The following OPCML variants were observed in gnomAD, a reference collection of about 807,000 sequenced individuals.
OPCML encodes opioid binding protein/cell adhesion molecule like.
In OPCML, 13 loss-of-function variants were observed where a neutral mutation model predicts 37.8. The ratio of observed to expected loss-of-function variants is 0.34; its 90% CI spans 0.22 to 0.55. OPCML has a LOEUF of 0.55. OPCML is among the 20% of genes least tolerant of loss of function. The pLI is 0.91. For missense variants in OPCML, 341 were observed against 435.6 expected (o/e 0.78, Z 1.93); for synonymous variants, 176 against 168.8 (o/e 1.04, Z -0.33).
At chr11:132,693,615 T>G (rs1413271205) in intron 2 of OPCML, among the ~76,000 whole-genome samples, 1 of 152,216 alleles carries the variant, frequency 6.6e-6, no homozygotes, top group African/African-American at 2.4e-5. Context: ...TCTTGCCAAA[T>G]GAGAAATCTG....
At chr11:133,339,262 A>G (rs1336411025) in intron 1 of OPCML, among the ~76,000 whole-genome samples, 4 of 152,244 alleles carry the variant, frequency 2.6e-5, no homozygotes, top group Non-Finnish European at 5.9e-5. Context: ...CACAATTCCC[A>G]TAACAGCCTT....
chr11:133,530,108 T>A (rs1364108363), intron 1 of OPCML, among the ~76,000 whole-genome samples: 1 of 152,100 alleles, frequency 6.6e-6, no homozygotes, highest in Non-Finnish European at 1.5e-5. Flanking sequence ...GTGGGGGGGA[T>A]AGCTTGTCAT....
intron 2 of OPCML, among the ~76,000 whole-genome samples, chr11:132,833,520 T>A (rs1028066158): frequency 3.9e-5 from 6 of 152,160 alleles, no homozygotes; most frequent in Admixed American, 6.5e-5. Flanking sequence ...GTAGAAAGAG[T>A]ACTCTCTAAA....
At chr11:132,680,441 G>A (rs147360768) in intron 2 of OPCML, among the ~76,000 whole-genome samples, 53 of 152,222 alleles carry the variant, frequency 3.5e-4, no homozygotes, top group East Asian at 3.3e-3. Flanking sequence ...CTACCACATA[G>A]GCAGTTGTTC....
At chr11:133,015,833 T>C (rs763776096) in intron 1 of OPCML, among the ~76,000 whole-genome samples, 7 of 152,198 alleles carry the variant, frequency 4.6e-5, no homozygotes, top group Non-Finnish European at 1.0e-4. Flanking sequence ...TTGCTCCTGC[T>C]GTTTCCTCCT....
rs1490214031 is a variant in OPCML, at chr11:133,174,918, A to G, written c.62-231908T>C. 1.3e-5 allele frequency among the ~76,000 whole-genome samples: 2 copies of G among 152,218 alleles called. No homozygotes were observed. Among genetic ancestry groups the G allele is most frequent in the Non-Finnish European group, 2.9e-5 (2 of 68,034 alleles). On this transcript the variant is annotated intron_variant, in intron 1 of 7. Coordinates refer to ENST00000524381, the MANE Select transcript of OPCML (RefSeq NM_001012393.5). This position sits in a 1 kb window ranked among gnomAD's most constrained non-coding sequence, Gnocchi z 4.6. ...GGAGTTTAAGTCCAGCCAGAGCAAC[A>G]AAGTGAGACTCCTGTCTCTACAAAA...
intron 2 of OPCML, among the ~76,000 whole-genome samples, chr11:132,846,474 A>G (rs2221540): frequency 0.12 from 18,375 of 152,174 alleles, 2,221 homozygotes; most frequent in East Asian, 0.64. Context: ...TCTGCTTCCT[A>G]ATGAAAATGA....
intron 1 of OPCML, among the ~76,000 whole-genome samples, chr11:133,141,048 C>A (rs11821153): frequency 0.22 from 1,258 of 5,742 alleles, 487 homozygotes; most frequent in Middle Eastern, 0.42. Context: ...ACGACGACGA[C>A]GAAGAAGAAG....
chr11:133,282,372 G>A (rs1942182332), intron 1 of OPCML, among the ~76,000 whole-genome samples: 1 of 152,222 alleles, frequency 6.6e-6, no homozygotes, highest in Non-Finnish European at 1.5e-5. Flanking sequence ...ACTCCAGAGA[G>A]TGCAGGCCAT....
rs561450145 is a variant in OPCML at position 132,514,847 on chromosome 11, C to T, written c.505+14214G>A. ...TGCTGTCTGACATCCCAGAGCACCA[C>T]GGCCCTATGATGCCCTACAAAAGTG... On this transcript the variant is annotated intron_variant, in intron 4 of 7. Coordinates refer to ENST00000524381, the MANE Select transcript of OPCML (RefSeq NM_001012393.5). Among the ~76,000 whole-genome samples, 12 of 152,244 alleles carry T rather than the reference C, an allele frequency of 7.9e-5. No individual in the cohort carries two copies. In the South Asian group the frequency reaches 1.5e-3, roughly 18 times the overall value.
At chr11:133,415,051 T>C (rs538330657) in intron 1 of OPCML, among the ~76,000 whole-genome samples, 1 of 152,262 alleles carries the variant, frequency 6.6e-6, no homozygotes, top group East Asian at 1.9e-4. Flanking sequence ...AGATGTGAAT[T>C]TGCGAGTTAT....
chr11:133,097,836 G>C (rs1366653088), intron 1 of OPCML, among the ~76,000 whole-genome samples: 3 of 152,156 alleles, frequency 2.0e-5, no homozygotes, highest in African/African-American at 7.2e-5. Context: ...AATCTGAATA[G>C]TCCCATGTTG....
In OPCML at chr11:133,251,186, A is replaced by G. The variant is rs201658384; in HGVS notation, c.61+281078T>C. 2.6e-5 allele frequency among the ~76,000 whole-genome samples: 4 copies of G among 152,328 alleles called. No homozygotes were observed. The East Asian group carries it at 7.7e-4, about 29-fold the overall frequency. On this transcript the variant is annotated intron_variant, in intron 1 of 7. Transcript: ENST00000524381. ...AAAGTAGGAACCTTCAAGGGTACTGAAAACATGTTTCACGACAGTGGGCTA... is the reference window on the plus strand; with the variant it reads ...AAAGTAGGAACCTTCAAGGGTACTGGAAACATGTTTCACGACAGTGGGCTA...
intron 1 of OPCML, among the ~76,000 whole-genome samples, chr11:133,483,791 T>TAGATGAC (rs1947446101): frequency 2.2e-5 from 1 of 45,038 alleles, no homozygotes; most frequent in Admixed American, 2.8e-4. Flanking sequence ...GATAGATACA[T>TAGATGAC]AGATGATAGA....
chr11:133,287,285 T>TTTC (rs2136526933), intron 1 of OPCML, among the ~76,000 whole-genome samples: 1 of 144,334 alleles, frequency 6.9e-6, no homozygotes, highest in Non-Finnish European at 1.6e-5. Flanking sequence ...CTTTTTTTTT[T>TTTC]TTTTTTTTTA....
At chr11:133,232,630 C>T (rs1359598396) in intron 1 of OPCML, among the ~76,000 whole-genome samples, 1 of 152,076 alleles carries the variant, frequency 6.6e-6, no homozygotes, top group Non-Finnish European at 1.5e-5. Flanking sequence ...ACAGCACATG[C>T]ACACACACAT....
At chr11:133,497,662 A>G (rs2120504039) in intron 1 of OPCML, among the ~76,000 whole-genome samples, 1 of 152,238 alleles carries the variant, frequency 6.6e-6, no homozygotes, top group Non-Finnish European at 1.5e-5. Flanking sequence ...ATGCGTACAG[A>G]GCACACAGCC....
At chr11:132,457,140 G>GA (rs1205888455) in intron 4 of OPCML, among the ~76,000 whole-genome samples, 1 of 152,206 alleles carries the variant, frequency 6.6e-6, no homozygotes, top group African/African-American at 2.4e-5. Context: ...AACACATTTT[G>GA]AAAGGGCATT....
At chr11:133,218,284 T>C (rs1939672812) in intron 1 of OPCML, among the ~76,000 whole-genome samples, 1 of 152,088 alleles carries the variant, frequency 6.6e-6, no homozygotes, top group Non-Finnish European at 1.5e-5. Flanking sequence ...GTCTGTCAAG[T>C]TCCCGAGACA....
Sources: allele counts gnomAD v4.1 joint callset (sites outside exome capture counted in the v4.1 genomes callset), GRCh38; gene constraint gnomAD v4.1.1; non-coding constraint Gnocchi (gnomAD v3.1); transcripts MANE v1.5; gene names NCBI Gene and HGNC (gene_info 2026-07-23, HGNC 2026-07-21).